PCDH7: variants seen among roughly 807,000 people sequenced by gnomAD.
PCDH7 encodes protocadherin 7, also known as protocadherin-7.
Under a neutral mutation model 58.9 loss-of-function variants are expected in PCDH7, and 17 were observed. The observed-to-expected ratio is 0.29, with a 90% CI of 0.20 to 0.43. The LOEUF (loss-of-function observed/expected upper bound fraction) is 0.43. PCDH7 is among the 20% of genes least tolerant of loss of function. The pLI is 1.00. For missense variants in PCDH7, 1,274 were observed against 1,441.0 expected (o/e 0.88, Z 1.88); for synonymous variants, 664 against 616.4 (o/e 1.08, Z -1.14).
intron 2 of PCDH7, among the ~76,000 whole-genome samples, chr4:30,934,064 T>A (rs913567461): frequency 3.3e-5 from 5 of 152,230 alleles, no homozygotes; most frequent in African/African-American, 1.2e-4. Flanking sequence ...CTTCACTAGC[T>A]CTTTGAGAAT....
chr4:30,841,686 A>G (rs1005546655), intron 1 of PCDH7, among the ~76,000 whole-genome samples: 1 of 152,098 alleles, frequency 6.6e-6, no homozygotes, highest in Non-Finnish European at 1.5e-5. Context: ...GTGAAAATGT[A>G]AAATAACACA....
chr4:30,992,822 G>C (rs1190730257), intron 3 of PCDH7, among the ~76,000 whole-genome samples: 1 of 124,666 alleles, frequency 8.0e-6, no homozygotes, highest in African/African-American at 3.3e-5. Flanking sequence ...TTTTTTTGAC[G>C]GAGTCTTGCT....
At chr4:31,046,764 C>A (rs1756326191) in intron 3 of PCDH7, among the ~76,000 whole-genome samples, 1 of 151,884 alleles carries the variant, frequency 6.6e-6, no homozygotes, top group Non-Finnish European at 1.5e-5. Context: ...AAAATAAATT[C>A]TTTTTGTGGA....
intron 1 of PCDH7, among the ~76,000 whole-genome samples, chr4:30,805,436 GT>G (rs1726068910): frequency 6.6e-6 from 1 of 152,146 alleles, no homozygotes; most frequent in Non-Finnish European, 1.5e-5. Context: ...ACTTCATGGG[GT>G]TTTGGGGAGG....
chr4:30,864,655 A>G (rs932276117), intron 1 of PCDH7, among the ~76,000 whole-genome samples: 3 of 152,070 alleles, frequency 2.0e-5, no homozygotes, highest in Admixed American at 1.3e-4. Context: ...CAGTGGTCCT[A>G]TACTGTGAAT....
chr4:30,824,109 T>G (rs996582272), intron 1 of PCDH7, among the ~76,000 whole-genome samples: 1 of 140,068 alleles, frequency 7.1e-6, no homozygotes, highest in Non-Finnish European at 1.5e-5. Flanking sequence ...CTTTCTTTCT[T>G]TCTTTCTTTC....
intron 3 of PCDH7, among the ~76,000 whole-genome samples, chr4:31,104,011 AC>A (rs1372096237): frequency 6.6e-6 from 1 of 152,054 alleles, no homozygotes; most frequent in African/African-American, 2.4e-5. Flanking sequence ...TGCTCGCTGT[AC>A]CCCCACTCCA....
At chr4:31,109,318 G>A (rs192049702) in intron 3 of PCDH7, among the ~76,000 whole-genome samples, 6 of 152,296 alleles carry the variant, frequency 3.9e-5, no homozygotes, top group African/African-American at 1.4e-4. Flanking sequence ...TATGCTAAAA[G>A]AATAATTGAC....
chr4:30,885,809 A>G (rs546832256), intron 1 of PCDH7, among the ~76,000 whole-genome samples: 5 of 152,302 alleles, frequency 3.3e-5, no homozygotes, highest in South Asian at 4.1e-4. Context: ...GCCCTCAGAA[A>G]TAATGCCACA....
At chr4:31,137,037 G>A (rs1450151706) in intron 3 of PCDH7, among the ~76,000 whole-genome samples, 2 of 152,038 alleles carry the variant, frequency 1.3e-5, no homozygotes, top group East Asian at 3.9e-4. Context: ...GACAGTGAAG[G>A]GAATGTTAAA....
At chr4:30,976,313 A>G (rs975328979) in intron 3 of PCDH7, among the ~76,000 whole-genome samples, 3 of 146,926 alleles carry the variant, frequency 2.0e-5, no homozygotes, top group Admixed American at 6.8e-5. Context: ...CTGGTCTTGG[A>G]CTCCCAACCT....
At chr4:30,998,872 T>C (rs1752123218) in intron 3 of PCDH7, among the ~76,000 whole-genome samples, 1 of 152,082 alleles carries the variant, frequency 6.6e-6, no homozygotes, top group African/African-American at 2.4e-5. Context: ...TTTGAAAATA[T>C]GCAATTGGAA....
intron 1 of PCDH7, among the ~76,000 whole-genome samples, chr4:30,831,719 TA>T (rs1729807355): frequency 1.3e-5 from 2 of 152,076 alleles, no homozygotes; most frequent in Admixed American, 6.6e-5. Flanking sequence ...CAGCTAATGG[TA>T]GGATGATATA....
chr4:30,950,068 T>C (rs1173642726), intron 2 of PCDH7: 4 of 152,632 alleles, frequency 2.6e-5, no homozygotes, highest in Non-Finnish European at 4.4e-5. Flanking sequence ...GACACCATTG[T>C]ATAGGGGCTG....
In PCDH7 at chr4:31,092,222, C is replaced by T. The variant is rs188772565; in HGVS notation, c.*8-50251C>T. 2.1e-4 allele frequency among the ~76,000 whole-genome samples: 32 copies of T among 151,678 alleles called. No homozygotes were observed. In the East Asian group the frequency reaches 4.5e-3, roughly 21 times the overall value. The stretch of plus-strand genomic sequence containing the variant: ...TCTAAGAAATGAGATTATTCTCTTC[C>T]GTATAAATATAAAAGGTAAATGTCA... On this transcript the variant is annotated intron_variant, in intron 3 of 3. Coordinates refer to the PCDH7 transcript ENST00000509759.
rs574139980 is a variant in PCDH7, at chr4:30,855,461, C to T, written c.71-64692C>T. ...GGCCAGTGGGCACTGCTGCTGTTTG[C>T]GGCAAACTCATCCTTTCTTCCTGAT... On this transcript the variant is annotated intron_variant, in intron 1 of 3. Coordinates refer to the PCDH7 transcript ENST00000509759. Among the ~76,000 whole-genome samples, 28 of 152,216 alleles carry T rather than the reference C, an allele frequency of 1.8e-4. No individual in the cohort carries two copies. In the South Asian group the frequency reaches 3.9e-3, roughly 21 times the overall value.
chr4:31,003,625 G>T (rs1259300266), intron 3 of PCDH7, among the ~76,000 whole-genome samples: 2 of 151,954 alleles, frequency 1.3e-5, no homozygotes, highest in Non-Finnish European at 2.9e-5. Context: ...TTCCGATTTG[G>T]GGCCAGGCAC....
chr4:31,053,249 C>G (rs938651264), intron 3 of PCDH7, among the ~76,000 whole-genome samples: 1 of 152,124 alleles, frequency 6.6e-6, no homozygotes, highest in African/African-American at 2.4e-5. Flanking sequence ...AACACTACCC[C>G]CTACCCAAAG....
At chr4:30,891,526 G>A (rs1408621446) in intron 1 of PCDH7, among the ~76,000 whole-genome samples, 1 of 151,992 alleles carries the variant, frequency 6.6e-6, no homozygotes, top group Non-Finnish European at 1.5e-5. Flanking sequence ...TTAGGATCTT[G>A]TTATCCTTTA....
Sources: gnomAD v4.1 joint callset for allele counts (sites outside exome capture counted in the v4.1 genomes callset) on GRCh38, gnomAD v4.1.1 for gene constraint, MANE v1.5 for transcripts, NCBI Gene and HGNC (gene_info 2026-07-23, HGNC 2026-07-21) for gene names.